Variants in NRCAM observed in about 807,000 individuals in gnomAD.
NRCAM encodes NgCAM-related cell adhesion molecule.
In NRCAM, 83 loss-of-function variants were observed where a neutral mutation model predicts 156.5. The observed-to-expected ratio is 0.53, with a 90% CI of 0.44 to 0.64. The LOEUF is 0.64. NRCAM is among the 30% of genes least tolerant of loss of function. The probability of loss-of-function intolerance (pLI) is 0.00; values close to 1 mark genes in which losing one functional copy is unlikely to be tolerated. For missense variants in NRCAM, 1,417 were observed against 1,597.3 expected, an observed-to-expected ratio of 0.89 and a Z score of 1.92; for synonymous variants, 538 against 563.9, an observed-to-expected ratio of 0.95 and a Z score of 0.65.
chr7:108,319,884 T>G (rs2098979885), intron 2 of NRCAM, among the ~76,000 whole-genome samples: 1 of 152,320 alleles, frequency 6.6e-6, no homozygotes, highest in East Asian at 1.9e-4. Context: ...CCTGTAGTTC[T>G]TTCAGCCTTT....
chr7:108,243,812 T>A (rs2095707244), intron 3 of NRCAM, among the ~76,000 whole-genome samples: 1 of 152,172 alleles, frequency 6.6e-6, no homozygotes, highest in East Asian at 1.9e-4. Context: ...AAAGCAACTT[T>A]TCGTATGTTA....
intron 3 of NRCAM, among the ~76,000 whole-genome samples, chr7:108,257,005 GAAAAAAA>G (rs777855116): frequency 8.0e-5 from 4 of 50,006 alleles, no homozygotes; most frequent in African/African-American, 2.0e-4. Context: ...GAAGACTGTC[GAAAAAAA>G]AAAAAAAGAA....
intron 2 of NRCAM, among the ~76,000 whole-genome samples, chr7:108,365,110 C>G (rs140551796): frequency 6.6e-6 from 1 of 152,148 alleles, no homozygotes; most frequent in African/African-American, 2.4e-5. Flanking sequence ...AAGAGACTTA[C>G]ATACACTGAC....
intron 8 of NRCAM, among the ~76,000 whole-genome samples, chr7:108,227,793 C>T (rs2093715301): frequency 6.6e-6 from 1 of 152,206 alleles, no homozygotes; most frequent in Non-Finnish European, 1.5e-5. Context: ...GTAAGTCAAG[C>T]AGGTCTGCTC....
intron 3 of NRCAM, among the ~76,000 whole-genome samples, chr7:108,265,598 C>T (rs2097072756): frequency 6.6e-6 from 1 of 152,166 alleles, no homozygotes; most frequent in Non-Finnish European, 1.5e-5. Flanking sequence ...CTGCTCCATC[C>T]CTATTATAAT....
At chr7:108,349,365 T>C (rs1468006176) in intron 2 of NRCAM, among the ~76,000 whole-genome samples, 2 of 151,692 alleles carry the variant, frequency 1.3e-5, no homozygotes, top group Non-Finnish European at 2.9e-5. Context: ...TCATCCTGGG[T>C]TCACACCATT....
At chr7:108,301,270 A>C (rs1486563263) in intron 3 of NRCAM, among the ~76,000 whole-genome samples, 1 of 152,242 alleles carries the variant, frequency 6.6e-6, no homozygotes, top group East Asian at 1.9e-4. Flanking sequence ...ACAGATGCCA[A>C]AGTGTGTTAT....
intron 2 of NRCAM, among the ~76,000 whole-genome samples, chr7:108,315,731 G>A (rs2098908187): frequency 6.6e-6 from 1 of 152,192 alleles, no homozygotes; most frequent in African/African-American, 2.4e-5. Flanking sequence ...GGAAGTTAGG[G>A]TGGGAGCAAG....
At chr7:108,215,106 C>G (rs1412484998) in intron 11 of NRCAM, among the ~76,000 whole-genome samples, 2 of 151,988 alleles carry the variant, frequency 1.3e-5, no homozygotes, top group Admixed American at 1.3e-4. Context: ...AGATGTCTAT[C>G]AGGTCTGCTT....
chr7:108,340,114 C>A (rs925274827), intron 2 of NRCAM, among the ~76,000 whole-genome samples: 49 of 152,308 alleles, frequency 3.2e-4, no homozygotes, highest in African/African-American at 4.8e-4. Flanking sequence ...CTACAGGAAG[C>A]TCTCAGAGTC....
At chr7:108,342,173 A>G (rs1330116647) in intron 2 of NRCAM, among the ~76,000 whole-genome samples, 1 of 152,178 alleles carries the variant, frequency 6.6e-6, no homozygotes, top group Non-Finnish European at 1.5e-5. Flanking sequence ...TCAGTAAGTG[A>G]ATGATTTACT....
chr7:108,161,323 C>T (rs375557770), intron 30 of NRCAM, among the ~76,000 whole-genome samples: 1 of 152,118 alleles, frequency 6.6e-6, no homozygotes, highest in Non-Finnish European at 1.5e-5. Context: ...AAATGTGAAA[C>T]CCCTTATTCC....
chr7:108,345,410 C>G (rs2099345769), intron 2 of NRCAM, among the ~76,000 whole-genome samples: 1 of 152,156 alleles, frequency 6.6e-6, no homozygotes, highest in South Asian at 2.1e-4. Context: ...AAATGGCAGG[C>G]ATATCATTAC....
chr7:108,321,631 C>G (rs1222643502), intron 2 of NRCAM, among the ~76,000 whole-genome samples: 2 of 152,122 alleles, frequency 1.3e-5, no homozygotes, highest in Non-Finnish European at 2.9e-5. Context: ...TTTTATAGGT[C>G]CTGGGAAGTA....
At chr7:108,235,997 T>C (rs886429313) in intron 5 of NRCAM, among the ~76,000 whole-genome samples, 4 of 152,170 alleles carry the variant, frequency 2.6e-5, no homozygotes, top group Non-Finnish European at 5.9e-5. Context: ...TCCTGCTGCA[T>C]TTGACATTCT....
chr7:108,320,890 G>T (rs1379433705), intron 2 of NRCAM, among the ~76,000 whole-genome samples: 1 of 152,190 alleles, frequency 6.6e-6, no homozygotes, highest in Non-Finnish European at 1.5e-5. Flanking sequence ...ATACAATCAG[G>T]TTCACTATGT....
At chr7:108,381,628 C>G (rs182760800) in intron 2 of NRCAM, among the ~76,000 whole-genome samples, 1 of 143,808 alleles carries the variant, frequency 7.0e-6, no homozygotes, top group Non-Finnish European at 1.5e-5. Context: ...GGTGCGATTT[C>G]GGCTCACTTC....
intron 11 of NRCAM, among the ~76,000 whole-genome samples, chr7:108,220,562 A>T (rs2091878754): frequency 6.6e-6 from 1 of 152,208 alleles, no homozygotes; most frequent in Admixed American, 6.5e-5. Flanking sequence ...CAGCCAACTG[A>T]TCTTCGACAA....
rs959203180 is a variant in NRCAM, at chr7:108,391,795, G to T, written c.-174+7641C>A. The stretch of plus-strand genomic sequence containing the variant: ...GTGGTGACAAAATCTCTCAGCATTT[G>T]CTTGTCAGTAAAGGATTTTATTTCT... On this transcript the variant is annotated intron_variant, in intron 2 of 32. Transcript: ENST00000379028. Among the ~76,000 whole-genome samples the T allele has an allele frequency of 3.9e-5, 6 of 152,162 alleles. No individual in the cohort carries two copies. The East Asian group carries it at 9.6e-4, about 24-fold the overall frequency.
Sources: gnomAD v4.1 joint callset for allele counts (sites outside exome capture counted in the v4.1 genomes callset) on GRCh38, gnomAD v4.1.1 for gene constraint, MANE v1.5 for transcripts, NCBI Gene and HGNC (gene_info 2026-07-23, HGNC 2026-07-21) for gene names.